PKHD1: variants seen among roughly 807,000 people sequenced by gnomAD.
The protein encoded by PKHD1 is fibrocystin.
Under a neutral mutation model 412.0 loss-of-function variants are expected in PKHD1, and 291 were observed. The ratio of observed to expected loss-of-function variants is 0.71; its 90% CI spans 0.64 to 0.78. The LOEUF (loss-of-function observed/expected upper bound fraction) is 0.78. Among genes scored for constraint, PKHD1 ranks in the 30% least tolerant of loss-of-function variants. The probability of loss-of-function intolerance (pLI) is 0.00; values close to 1 mark genes in which losing one functional copy is unlikely to be tolerated. For missense variants in PKHD1, 4,825 were observed against 4,950.7 expected, an observed-to-expected ratio of 0.97 and a Z score of 0.76; for synonymous variants, 1,777 against 1,821.5, an observed-to-expected ratio of 0.98 and a Z score of 0.62.
intron 43 of PKHD1, among the ~76,000 whole-genome samples, chr6:51,896,543 A>G (rs1233186420): frequency 1.3e-5 from 2 of 151,254 alleles, no homozygotes; most frequent in East Asian, 3.9e-4. Flanking sequence ...CCAAAAGTAG[A>G]TAAAACCACA....
chr6:51,782,956 G>A (rs1366556600), intron 53 of PKHD1, among the ~76,000 whole-genome samples: 7 of 151,972 alleles, frequency 4.6e-5, no homozygotes, highest in African/African-American at 1.7e-4. Context: ...TCTTCTTTAG[G>A]ATTGAGAAAG....
intron 35 of PKHD1, among the ~76,000 whole-genome samples, chr6:51,998,443 A>C (rs1049097238): frequency 6.6e-6 from 1 of 152,252 alleles, no homozygotes; most frequent in Non-Finnish European, 1.5e-5. Context: ...AGGAGTCTAA[A>C]AAATCAACTA....
intron 35 of PKHD1, among the ~76,000 whole-genome samples, chr6:51,999,417 T>G (rs561314155): frequency 3.3e-5 from 5 of 152,356 alleles, no homozygotes; most frequent in African/African-American, 1.2e-4. Flanking sequence ...CCATAACACT[T>G]TTAATATCTG....
intron 52 of PKHD1, among the ~76,000 whole-genome samples, chr6:51,830,361 T>C (rs1029182853): frequency 5.3e-5 from 8 of 152,194 alleles, no homozygotes; most frequent in Admixed American, 2.6e-4. Context: ...AACAGATGAA[T>C]AGATACATAG....
intron 55 of PKHD1, among the ~76,000 whole-genome samples, chr6:51,759,169 G>C (rs959960050): frequency 6.6e-6 from 1 of 152,188 alleles, no homozygotes; most frequent in African/African-American, 2.4e-5. Flanking sequence ...ACTTGATAGA[G>C]AAGAAATTGA....
chr6:51,776,305 T>G (rs1322232055), intron 53 of PKHD1, among the ~76,000 whole-genome samples: 5 of 152,020 alleles, frequency 3.3e-5, no homozygotes, highest in African/African-American at 1.2e-4. Flanking sequence ...ATTTCATTTT[T>G]TACCAGATCT....
rs117384555 is a variant in PKHD1 at position 51,747,513 on chromosome 6, T to C, written c.9829+274A>G. On this transcript the variant is annotated intron_variant, in intron 58 of 66. Transcript: ENST00000371117. ...TGAGGCCAGGAGTTTGAGACCAGCC[T>C]GGTCAAGATAGCAAGATCCCATCTC... 9.5e-4 allele frequency among the ~76,000 whole-genome samples: 145 copies of C among 152,290 alleles called. 2 individuals are homozygous for C. In the East Asian group the frequency reaches 0.028, roughly 29 times the overall value.
Position 51,721,732 on chromosome 6 carries a change from T to A in PKHD1, c.10156+22653A>T, listed in dbSNP as rs530160489. The A allele has an allele frequency of 2.3e-5, 32 of 1,380,348 alleles. No individual in the cohort carries two copies. The African/African-American group carries it at 2.5e-4, about 11-fold the overall frequency. The allele number at this position is 1,380,348 out of a possible 1,614,324, so 85.5% of individuals were successfully genotyped here. A position where few individuals can be genotyped will look rare whatever the true frequency, so the allele number is the denominator to read the frequency against. ...GACAATGGTGTCACTGTTGACACCC[T>A]CTCCACAGTCCCCAAAGTCAGGAGT... On this transcript the variant is annotated intron_variant, in intron 60 of 66. Transcript: ENST00000371117.
intron 55 of PKHD1, among the ~76,000 whole-genome samples, chr6:51,759,159 A>T (rs1046536327): frequency 6.6e-6 from 1 of 152,178 alleles, no homozygotes; most frequent in Non-Finnish European, 1.5e-5. Flanking sequence ...ATTATTCTAC[A>T]CTTGATAGAG....
intron 55 of PKHD1, among the ~76,000 whole-genome samples, chr6:51,766,333 T>C (rs573110130): frequency 6.6e-6 from 1 of 152,254 alleles, no homozygotes; most frequent in South Asian, 2.1e-4. Flanking sequence ...TTCCCTATTA[T>C]GTATATGCAT....
In PKHD1 at chr6:51,660,780, C is replaced by T. The variant is rs374542030; in HGVS notation, c.10157-811G>A. ...CTCTGCATGTGCCACCCTCAAGACA[C>T]TTCCATGCGTTCAGCCACCTGAAAG... On this transcript the variant is annotated intron_variant, in intron 60 of 66. Coordinates refer to ENST00000371117, the MANE Select transcript of PKHD1 (RefSeq NM_138694.4). Among the ~76,000 whole-genome samples, 8 of 152,302 alleles carry T rather than the reference C, an allele frequency of 5.3e-5. 1 individual carries two copies. In the South Asian group the frequency reaches 1.7e-3, roughly 32 times the overall value.
intron 53 of PKHD1, among the ~76,000 whole-genome samples, chr6:51,776,148 T>A (rs1790989445): frequency 6.6e-6 from 1 of 152,026 alleles, no homozygotes; most frequent in African/African-American, 2.4e-5. Context: ...TCTTTCTTTA[T>A]TAGGGCAGTG....
chr6:51,911,272 T>A lies in PKHD1; in HGVS notation c.6490+527A>T, dbSNP rs144832875. Among the ~76,000 whole-genome samples, 285 of 152,288 alleles carry A rather than the reference T, an allele frequency of 1.9e-3. 1 individual carries two copies. Among genetic ancestry groups the A allele is most frequent in the African/African-American group, 6.7e-3 (279 of 41,582 alleles). ...AACCATCCCTGAAATAGATGCTTAA[T>A]AGGCACATCAATGTGATTCAGTGCC... is the stretch of plus-strand genomic sequence containing the variant. On this transcript the variant is annotated intron_variant, in intron 39 of 66. Transcript: ENST00000371117.
At chr6:51,845,126 C>T (rs1317046690) in intron 50 of PKHD1, among the ~76,000 whole-genome samples, 2 of 152,122 alleles carry the variant, frequency 1.3e-5, no homozygotes, top group African/African-American at 2.4e-5. Flanking sequence ...GGCTCTTGCT[C>T]GGGTACCAAC....
At chr6:51,884,699 T>C (rs1418125708) in intron 45 of PKHD1, among the ~76,000 whole-genome samples, 1 of 152,182 alleles carries the variant, frequency 6.6e-6, no homozygotes. Context: ...TTTCAAAAAA[T>C]GGCTTTATTA....
At chr6:51,823,273 A>G (rs9296664) in intron 52 of PKHD1, among the ~76,000 whole-genome samples, 62,433 of 151,820 alleles carry the variant, frequency 0.41, 13,775 homozygotes, top group Middle Eastern at 0.6. Flanking sequence ...ATGGGAGCAC[A>G]TACCAAAATA....
chr6:52,018,387 C>T (rs1800866152), intron 33 of PKHD1, among the ~76,000 whole-genome samples: 1 of 152,162 alleles, frequency 6.6e-6, no homozygotes, highest in South Asian at 2.1e-4. Context: ...TTTGTAAGTT[C>T]CCATTACTCC....
intron 60 of PKHD1, among the ~76,000 whole-genome samples, chr6:51,716,370 G>T (rs1781257227): frequency 6.6e-6 from 1 of 152,084 alleles, no homozygotes; most frequent in African/African-American, 2.4e-5. Context: ...TATTACAAAA[G>T]CATTATCAAC....
intron 52 of PKHD1, among the ~76,000 whole-genome samples, chr6:51,793,501 C>T (rs1270400646): frequency 6.6e-6 from 1 of 152,128 alleles, no homozygotes; most frequent in Non-Finnish European, 1.5e-5. Flanking sequence ...TCTTCCTGAT[C>T]CTCTTCCTCC....
Sources: allele counts gnomAD v4.1 joint callset (sites outside exome capture counted in the v4.1 genomes callset), GRCh38; gene constraint gnomAD v4.1.1; transcripts MANE v1.5; gene names NCBI Gene and HGNC (gene_info 2026-07-23, HGNC 2026-07-21).